Variants in ATG10 observed in about 807,000 individuals in gnomAD.
ATG10 encodes ubiquitin-like-conjugating enzyme ATG10.
Under a neutral mutation model 32.1 loss-of-function variants are expected in ATG10, and 30 were observed. That is an observed-to-expected ratio of 0.94 (90% CI 0.70 to 1.27). ATG10 has a LOEUF of 1.27. Among genes scored for constraint, ATG10 ranks in the 50% most tolerant of loss-of-function variants. The probability of loss-of-function intolerance (pLI) is 0.00; values close to 1 mark genes in which losing one functional copy is unlikely to be tolerated. For synonymous variants in ATG10, 87 were observed against 91.5 expected (o/e 0.95, Z 0.28); for missense variants, 233 against 262.3 (o/e 0.89, Z 0.77).
intron 5 of ATG10, among the ~76,000 whole-genome samples, chr5:82,236,258 G>A (rs1561372286): frequency 1.3e-5 from 2 of 152,046 alleles, no homozygotes; most frequent in Non-Finnish European, 1.5e-5. Context: ...CTTTATAATG[G>A]TCTTGGTGGT....
At chr5:81,982,727 T>C (rs1359532477) in intron 1 of ATG10, among the ~76,000 whole-genome samples, 1 of 152,206 alleles carries the variant, frequency 6.6e-6, no homozygotes, top group African/African-American at 2.4e-5. Context: ...GCAGTGTTTG[T>C]GTCCCTGATT....
At chr5:82,200,861 T>C (rs1728744040) in intron 5 of ATG10, among the ~76,000 whole-genome samples, 2 of 146,378 alleles carry the variant, frequency 1.4e-5, no homozygotes, top group South Asian at 2.1e-4. Flanking sequence ...TATTTAAAAA[T>C]ACATTATTTA....
At chr5:81,990,998 A>T (rs561776439) in intron 2 of ATG10, among the ~76,000 whole-genome samples, 4 of 152,240 alleles carry the variant, frequency 2.6e-5, no homozygotes, top group Non-Finnish European at 5.9e-5. Context: ...TGGTCATTTT[A>T]TGACCTCTGG....
chr5:82,018,212 C>T (rs1348360975), intron 2 of ATG10, among the ~76,000 whole-genome samples: 1 of 152,212 alleles, frequency 6.6e-6, no homozygotes, highest in Non-Finnish European at 1.5e-5. Context: ...TTGATGACAA[C>T]TCCATCCTTC....
At chr5:82,058,640 G>T (rs530696023) in intron 3 of ATG10, 38 bp downstream of exon 3, 4 of 1,382,246 alleles carry the variant, frequency 2.9e-6, no homozygotes, top group Non-Finnish European at 4.1e-6. Flanking sequence ...TTCAGTCTCC[G>T]TAAAGTATAC....
chr5:82,116,931 G>A (rs1327112002), intron 3 of ATG10, among the ~76,000 whole-genome samples: 1 of 152,036 alleles, frequency 6.6e-6, no homozygotes. Context: ...CCTAGAAAAA[G>A]TATTTAAGTT....
At chr5:82,100,030 C>G (rs1335161283) in intron 3 of ATG10, among the ~76,000 whole-genome samples, 4 of 51,920 alleles carry the variant, frequency 7.7e-5, no homozygotes, top group South Asian at 1.4e-3. Flanking sequence ...TTTTTTTGAG[C>G]TGGAGTCTCG....
intron 3 of ATG10, among the ~76,000 whole-genome samples, chr5:82,161,696 A>ACACACACACACACACACAC (rs1743351306): frequency 3.1e-5 from 4 of 129,664 alleles, no homozygotes; most frequent in Non-Finnish European, 6.4e-5. Flanking sequence ...TTAGAGAATA[A>ACACACACACACACACACAC]ACACACACAC....
chr5:82,023,349 C>T (rs894742102), intron 2 of ATG10, among the ~76,000 whole-genome samples: 1 of 151,972 alleles, frequency 6.6e-6, no homozygotes, highest in African/African-American at 2.4e-5. Flanking sequence ...TATCCAGCTG[C>T]ATTATCCTAC....
intron 5 of ATG10, among the ~76,000 whole-genome samples, chr5:82,224,919 C>A (rs1316687055): frequency 6.6e-6 from 1 of 152,182 alleles, no homozygotes; most frequent in East Asian, 1.9e-4. Flanking sequence ...GGGTGTCTGC[C>A]TCCCATGTAT....
intron 5 of ATG10, among the ~76,000 whole-genome samples, chr5:82,252,043 A>G (rs939972616): frequency 1.3e-5 from 2 of 152,234 alleles, no homozygotes; most frequent in African/African-American, 2.4e-5. Flanking sequence ...ATCTCCTCCC[A>G]TCCCTGGTTC....
intron 3 of ATG10, among the ~76,000 whole-genome samples, chr5:82,064,733 G>T (rs542576502): frequency 2.6e-5 from 4 of 151,876 alleles, no homozygotes; most frequent in African/African-American, 9.7e-5. Context: ...TATTAATATG[G>T]CAAATAAATG....
chr5:82,034,168 A>G (rs1456291564), intron 2 of ATG10, among the ~76,000 whole-genome samples: 14 of 151,866 alleles, frequency 9.2e-5, no homozygotes, highest in Admixed American at 6.6e-5. Context: ...TTGACATTCC[A>G]TTTGAATGTC....
chr5:82,141,228 T>G (rs939981050), intron 3 of ATG10, among the ~76,000 whole-genome samples: 1 of 145,974 alleles, frequency 6.9e-6, no homozygotes, highest in South Asian at 2.2e-4. Flanking sequence ...AATAAAAAAA[T>G]AAATTAAAAA....
chr5:81,993,360 C>CTTTCCTTCTTTCTTTTCTT, intron 2 of ATG10, among the ~76,000 whole-genome samples: 2 of 46,798 alleles, frequency 4.3e-5, no homozygotes, highest in Middle Eastern at 0.011. Context: ...TCTTTCTTTC[C>CTTTCCTTCTTTCTTTTCTT]TTCTTTTCTT....
intron 2 of ATG10, among the ~76,000 whole-genome samples, chr5:82,026,579 C>T (rs1166218359): frequency 6.6e-6 from 1 of 152,012 alleles, no homozygotes; most frequent in Non-Finnish European, 1.5e-5. Context: ...GATTTTGTTA[C>T]TTCTTGACTG....
chr5:82,195,583 T>G lies in ATG10; in HGVS notation c.453+16996T>G, dbSNP rs116453726. Among the ~76,000 whole-genome samples, 1,149 of 152,302 alleles carry G rather than the reference T, an allele frequency of 7.5e-3. 8 individuals are homozygous for G. Among genetic ancestry groups the G allele is most frequent in the Non-Finnish European group, 0.011 (721 of 68,016 alleles). On this transcript the variant is annotated intron_variant, in intron 5 of 7. Transcript: ENST00000282185. ...GTTGGCAACCACTAATTTAACTTTT[T>G]TCTCTATAGAGTTGCTTATTCTGGA...
At chr5:82,032,046 T>A (rs1762756225) in intron 2 of ATG10, among the ~76,000 whole-genome samples, 1 of 152,218 alleles carries the variant, frequency 6.6e-6, no homozygotes. Context: ...AAAGTCTGTC[T>A]TGGTGAAGAA....
intron 2 of ATG10, among the ~76,000 whole-genome samples, chr5:81,993,374 T>TTTCTTTCTTTCTTTCCTTC (rs776175236): frequency 2.5e-5 from 1 of 39,834 alleles, no homozygotes; most frequent in African/African-American, 1.3e-4. Flanking sequence ...TTTTCTTTTC[T>TTTCTTTCTTTCTTTCCTTC]TTTCTTTTCT....
Sources: allele counts gnomAD v4.1 joint callset (sites outside exome capture counted in the v4.1 genomes callset), GRCh38; gene constraint gnomAD v4.1.1; transcripts MANE v1.5; gene names NCBI Gene and HGNC (gene_info 2026-07-23, HGNC 2026-07-21).